HDAC4: variants seen among roughly 807,000 people sequenced by gnomAD.
HDAC4 encodes the protein histone deacetylase 4.
HDAC4 carries 16 observed loss-of-function variants against 135.1 expected under a neutral mutation model. The ratio of observed to expected loss-of-function variants is 0.12; its 90% CI spans 0.08 to 0.18. The LOEUF (loss-of-function observed/expected upper bound fraction) is 0.18, where lower values mean the gene tolerates loss of function less well. Ranked by LOEUF, HDAC4 falls within the 10% of genes least tolerant of loss-of-function variation. The probability of loss-of-function intolerance (pLI) is 1.00; values close to 1 mark genes in which losing one functional copy is unlikely to be tolerated. For synonymous variants in HDAC4, 685 were observed against 653.4 expected (o/e 1.05, Z -0.74); for missense variants, 1,143 against 1,511.8 (o/e 0.76, Z 4.05).
At chr2:239,177,177 C>G (rs771319004) in intron 4 of HDAC4, among the ~76,000 whole-genome samples, 4 of 152,182 alleles carry the variant, frequency 2.6e-5, no homozygotes, top group Non-Finnish European at 5.9e-5. Flanking sequence ...CACAAGAAAA[C>G]ACAGGTGAAC....
chr2:239,326,926 C>T (rs2053485070), intron 2 of HDAC4, among the ~76,000 whole-genome samples: 1 of 152,290 alleles, frequency 6.6e-6, no homozygotes, highest in South Asian at 2.1e-4. Context: ...CCCTGTCATA[C>T]TGCTAAAGAG....
chr2:239,229,014 C>T (rs1198345033), intron 3 of HDAC4, among the ~76,000 whole-genome samples: 2 of 151,954 alleles, frequency 1.3e-5, no homozygotes, highest in Middle Eastern at 3.2e-3. Flanking sequence ...TGGTGGCGGG[C>T]GCCTGTAATC....
intron 21 of HDAC4, 117 bp downstream of exon 21, chr2:239,081,985 G>A (rs1016896635): frequency 1.2e-5 from 13 of 1,087,788 alleles, no homozygotes; most frequent in Non-Finnish European, 1.8e-5. Context: ...GGGCTTAAGT[G>A]AGCACGAAGG....
chr2:239,258,554 T>A (rs1270110407), intron 2 of HDAC4, among the ~76,000 whole-genome samples: 1 of 152,200 alleles, frequency 6.6e-6, no homozygotes, highest in Non-Finnish European at 1.5e-5. Flanking sequence ...ACTGTCAAAC[T>A]AGAATCCTCT....
upstream of HDAC4, chr2:239,401,306 T>G (rs951801634): frequency 6.6e-6 from 1 of 152,200 alleles, no homozygotes; most frequent in Admixed American, 6.5e-5. Context: ...GGATGCCCTA[T>G]GAGCGGCAGA....
rs146208215 is a variant in HDAC4 at position 239,247,012 on chromosome 2, G to A, written c.23-10348C>T. ...CACACAACAGACGTCAAATAGGAACGCTGCAAAACACACAAATAGCATCTC... is the reference window on the plus strand; with the variant it reads ...CACACAACAGACGTCAAATAGGAACACTGCAAAACACACAAATAGCATCTC... On this transcript the variant is annotated intron_variant, in intron 2 of 26. Coordinates refer to ENST00000543185, the MANE Select transcript of HDAC4 (RefSeq NM_001378414.1). 6.9e-4 allele frequency among the ~76,000 whole-genome samples: 105 copies of A among 152,340 alleles called. 1 individual carries two copies. Among genetic ancestry groups the A allele is most frequent in the Admixed American group, 1.4e-3 (22 of 15,306 alleles).
At chr2:239,378,640 A>G (rs533894393) in intron 1 of HDAC4, among the ~76,000 whole-genome samples, 63 of 151,894 alleles carry the variant, frequency 4.1e-4, no homozygotes, top group African/African-American at 1.4e-3. Flanking sequence ...GGGAACCAAG[A>G]ACCCCGGGAA....
chr2:239,194,599 C>A (rs1482723428), intron 3 of HDAC4, among the ~76,000 whole-genome samples: 2 of 152,254 alleles, frequency 1.3e-5, no homozygotes, highest in African/African-American at 4.8e-5. Flanking sequence ...CAGCACTCCC[C>A]ACTCCCAAAA....
chr2:239,194,557 C>A (rs1417470543), intron 3 of HDAC4, among the ~76,000 whole-genome samples: 7 of 152,230 alleles, frequency 4.6e-5, no homozygotes, highest in Admixed American at 4.6e-4. Flanking sequence ...TAAATTCCAC[C>A]ACCTGTGAAA....
At chr2:239,125,116 G>A (rs1237552382) in intron 12 of HDAC4, among the ~76,000 whole-genome samples, 1 of 152,236 alleles carries the variant, frequency 6.6e-6, no homozygotes, top group Non-Finnish European at 1.5e-5. Context: ...CGACTGATAC[G>A]GTTTGGATCT....
At chr2:239,203,399 T>C (rs976079309) in intron 3 of HDAC4, among the ~76,000 whole-genome samples, 1 of 152,210 alleles carries the variant, frequency 6.6e-6, no homozygotes, top group African/African-American at 2.4e-5. Context: ...GAAAATTCCA[T>C]TTTTTACTCT....
At chr2:239,140,724 C>T (rs1219504805) in intron 8 of HDAC4, among the ~76,000 whole-genome samples, 2 of 152,178 alleles carry the variant, frequency 1.3e-5, no homozygotes, top group African/African-American at 2.4e-5. Context: ...AAGGAAGGGA[C>T]ATGGTGGGGG....
At chr2:239,317,671 C>T (rs1358538937) in intron 2 of HDAC4, among the ~76,000 whole-genome samples, 1 of 152,042 alleles carries the variant, frequency 6.6e-6, no homozygotes, top group Non-Finnish European at 1.5e-5. Flanking sequence ...AATAAGGAAA[C>T]ACATAAATAA....
intron 15 of HDAC4, 62 bp from the exon 16 acceptor site, chr2:239,102,958 GAC>G: frequency 6.2e-7 from 1 of 1,606,582 alleles, no homozygotes; most frequent in Non-Finnish European, 8.5e-7. Flanking sequence ...CAGCTCCACA[GAC>G]AGAAACTCCA....
chr2:239,068,523 G>C lies in HDAC4; in HGVS notation c.2835C>G (p.Pro945=). 6.2e-7 allele frequency: 1 copy of C among 1,613,828 alleles called. No homozygotes were observed. The highest frequency in any genetic ancestry group is 8.5e-7 in the Non-Finnish European group (1 of 1,179,856). Residue 945 remains proline, a synonymous_variant, in exon 23 of 27, where the codon CCC becomes CCG. Coordinates refer to ENST00000543185, the MANE Select transcript of HDAC4 (RefSeq NM_001378414.1). The surrounding 1 kb of genome is among the most constrained non-coding windows in gnomAD (Gnocchi z 4.4). Reference sequence around the variant, plus strand: ...AGAGGTTGTAGCCCCCAAGAGGGGTGGGGTGGCCCTCCACGGCATCGAAGC... The same window carrying C: ...AGAGGTTGTAGCCCCCAAGAGGGGTCGGGTGGCCCTCCACGGCATCGAAGC... ...SSGFDAVEGH[P]TPLGGYNLSA...
At chr2:239,202,225 C>G in intron 3 of HDAC4, among the ~76,000 whole-genome samples, 1 of 152,202 alleles carries the variant, frequency 6.6e-6, no homozygotes. Context: ...GCTCTGCAGT[C>G]TCCAGTACCA....
intron 22 of HDAC4, 121 bp downstream of exon 22, chr2:239,080,974 C>T: frequency 1.4e-6 from 1 of 735,408 alleles, no homozygotes; most frequent in East Asian, 2.7e-5. Flanking sequence ...CTCCGGACCC[C>T]ACAGCCCCGT....
intron 1 of HDAC4, among the ~76,000 whole-genome samples, chr2:239,366,464 G>A (rs1347220780): frequency 1.3e-5 from 2 of 152,244 alleles, no homozygotes; most frequent in Admixed American, 1.3e-4. Context: ...GCCTAGGTGT[G>A]TTTATTGCCA....
intron 3 of HDAC4, among the ~76,000 whole-genome samples, chr2:239,214,693 A>G (rs967031942): frequency 6.6e-6 from 1 of 152,238 alleles, no homozygotes; most frequent in African/African-American, 2.4e-5. Flanking sequence ...TTAAAGAGGT[A>G]TATTTTACAC....
Sources: gnomAD v4.1 joint callset for allele counts (sites outside exome capture counted in the v4.1 genomes callset) on GRCh38, gnomAD v4.1.1 for gene constraint, Gnocchi (gnomAD v3.1) non-coding constraint, MANE v1.5 for transcripts, NCBI Gene and HGNC (gene_info 2026-07-23, HGNC 2026-07-21) for gene names.